Variants in GPRC5D observed in about 807,000 individuals in gnomAD.
GPRC5D encodes G protein-coupled receptor class C group 5 member D, also known as G protein-coupled receptor family C group 5 member D.
In GPRC5D, 20 loss-of-function variants were observed where a neutral mutation model predicts 29.3. The observed-to-expected ratio is 0.68, with a 90% CI of 0.48 to 0.99. The LOEUF (loss-of-function observed/expected upper bound fraction) is 0.99. GPRC5D is among the 50% of genes least tolerant of loss of function. The probability of loss-of-function intolerance (pLI) is 0.00; values close to 1 mark genes in which losing one functional copy is unlikely to be tolerated. For synonymous variants in GPRC5D, 178 were observed against 171.3 expected (o/e 1.04, Z -0.30); for missense variants, 384 against 423.6 (o/e 0.91, Z 0.82).
chr12:12,949,305 C>A (rs1398455308), intron 1 of GPRC5D, among the ~76,000 whole-genome samples, 185 bp downstream of exon 2: 1 of 152,132 alleles, frequency 6.6e-6, no homozygotes. Flanking sequence ...TGGAAGAACT[C>A]ATTTTTCATA....
At chr12:12,950,127 T>C (rs1218174490) in exon 1 of GPRC5D, 5 of 1,614,026 alleles carry the variant, frequency 3.1e-6, no homozygotes, top group East Asian at 2.2e-5. Flanking sequence ...GGGCAGTTTG[T>C]TGATTGAGCT....
intron 1 of GPRC5D, among the ~76,000 whole-genome samples, chr12:12,943,303 C>T (rs1863199405): frequency 6.6e-6 from 1 of 152,138 alleles, no homozygotes; most frequent in African/African-American, 2.4e-5. Flanking sequence ...ACAGACATAA[C>T]CGTGTTAGTA....
rs1262517151 is a variant in GPRC5D, at chr12:12,944,883, TTC to T, written c.896-2557_896-2556del. On this transcript the variant is annotated intron_variant, in intron 1 of 2. Coordinates refer to ENST00000228887, the Ensembl canonical transcript of GPRC5D. The stretch of plus-strand genomic sequence containing the variant: ...TTTCTTTCTTTCTTTCTTTCTTTCT[TTC>T]TTTCTTTCTTTCTTTCTTTCTCTCC... Among the ~76,000 whole-genome samples the T allele has an allele frequency of 6.5e-4, 83 of 128,634 alleles. 3 individuals are homozygous for T. Among genetic ancestry groups the T allele is most frequent in the Non-Finnish European group, 1.1e-3 (68 of 60,388 alleles). 84.4% of individuals were successfully genotyped at this position (128,634 alleles called of 152,430 possible). A position where few individuals can be genotyped will look rare whatever the true frequency, so the allele number is the denominator to read the frequency against.
At chr12:12,940,985 C>T in intron 2 of GPRC5D, 136 bp from the exon 4 acceptor site, 1 of 578,078 alleles carries the variant, frequency 1.7e-6, no homozygotes, top group Non-Finnish European at 3.2e-6. Flanking sequence ...GATCTGGGCT[C>T]ACTGCAAACT....
intron 1 of GPRC5D, among the ~76,000 whole-genome samples, chr12:12,946,730 C>T (rs998327324): frequency 3.1e-4 from 47 of 152,084 alleles, no homozygotes; most frequent in Middle Eastern, 3.2e-3. Flanking sequence ...GGTGGGATTG[C>T]AGGTGTGAGC....
chr12:12,944,800 CCCTTCCTTCCTTCCTT>C, intron 1 of GPRC5D, among the ~76,000 whole-genome samples: 2 of 11,410 alleles, frequency 1.8e-4, no homozygotes, highest in South Asian at 0.011. Context: ...TTCCTTCCTT[CCCTTCCTTCCTTCCTT>C]CCTTCCTTCC....
At chr12:12,942,285 T>A (rs1474132732) in exon 2 of GPRC5D, 6 of 1,611,856 alleles carry the variant, frequency 3.7e-6, no homozygotes, top group Non-Finnish European at 5.1e-6. Flanking sequence ...GAGTACCATA[T>A]GAAGTTAATG....
At chr12:12,941,255 CTT>C (rs2136487794) in intron 2 of GPRC5D, among the ~76,000 whole-genome samples, 1 of 152,256 alleles carries the variant, frequency 6.6e-6, no homozygotes, top group East Asian at 1.9e-4. Context: ...TCATTTAATT[CTT>C]TGTCAATAAC....
At chr12:12,950,216 A>G (rs1213576464) in exon 1 of GPRC5D, 5 of 1,613,896 alleles carry the variant, frequency 3.1e-6, no homozygotes, top group South Asian at 1.1e-5. Context: ...AGGACATTCC[A>G]CTGGCTGCAG....
At chr12:12,949,400 G>A (rs955331728) in intron 1 of GPRC5D, 90 bp downstream of exon 2, 5 of 1,144,390 alleles carry the variant, frequency 4.4e-6, no homozygotes, top group African/African-American at 3.1e-5. Flanking sequence ...TTTTCTTTTA[G>A]TTTCCTCTTG....
chr12:12,941,056 C>T (rs1390475303), intron 2 of GPRC5D, among the ~76,000 whole-genome samples: 1 of 152,132 alleles, frequency 6.6e-6, no homozygotes, highest in Admixed American at 6.5e-5. Flanking sequence ...AAATTACAGG[C>T]ATGCACCACC....
At chr12:12,944,896 T>G (rs1050302490) in intron 1 of GPRC5D, among the ~76,000 whole-genome samples, 2 of 132,376 alleles carry the variant, frequency 1.5e-5, no homozygotes, top group African/African-American at 5.4e-5. Context: ...TTTCTTTCTT[T>G]CTTTCTTTCT....
At chr12:12,949,987 G>A (rs758736961) in exon 1 of GPRC5D, 34 of 1,613,946 alleles carry the variant, frequency 2.1e-5, no homozygotes, top group African/African-American at 5.3e-5. Flanking sequence ...GCAACCAATA[G>A]CAATGCACAG....
chr12:12,943,533 C>G (rs1002756632), intron 1 of GPRC5D, among the ~76,000 whole-genome samples: 1 of 152,176 alleles, frequency 6.6e-6, no homozygotes, highest in Non-Finnish European at 1.5e-5. Flanking sequence ...GTCCTTGGAA[C>G]AGAGCTATCC....
chr12:12,950,204 G>A, exon 1 of GPRC5D: 1 of 1,613,800 alleles, frequency 6.2e-7, no homozygotes, highest in Non-Finnish European at 8.5e-7. Flanking sequence ...AGCTGGGTGG[G>A]GAGGACATTC....
At chr12:12,949,672 T>G (rs773866153) in exon 1 of GPRC5D, 1 of 1,614,080 alleles carries the variant, frequency 6.2e-7, no homozygotes, top group Non-Finnish European at 8.5e-7. Context: ...GACCGGGTCG[T>G]CCCACTGGGG....
chr12:12,944,824 TCCTTCCTTCCTTCCTTCCTTCC>T lies in GPRC5D; in HGVS notation c.896-2518_896-2497del, dbSNP rs1565477137. On this transcript the variant is annotated intron_variant, in intron 1 of 2. Transcript: ENST00000228887. ...TCCCTTCCTTCCTTCCTTCCTTCCT[TCCTTCCTTCCTTCCTTCCTTCC>T]TTCCTTCTTTCTTTCTTTCTTTCTT... is the stretch of plus-strand genomic sequence containing the variant. 6.1e-3 allele frequency among the ~76,000 whole-genome samples: 111 copies of T among 18,286 alleles called. 5 individuals are homozygous for T. Among genetic ancestry groups the T allele is most frequent in the Middle Eastern group, 0.02 (1 of 50 alleles). 12.0% of individuals were successfully genotyped at this position (18,286 alleles called of 152,430 possible).
upstream of GPRC5D, among the ~76,000 whole-genome samples, chr12:12,951,220 T>C (rs1863488218): frequency 6.6e-6 from 1 of 152,326 alleles, no homozygotes; most frequent in Non-Finnish European, 1.5e-5. Context: ...GGGTGGTCCA[T>C]GCTGGGCACT....
intron 1 of GPRC5D, among the ~76,000 whole-genome samples, chr12:12,945,237 T>G (rs1863285939): frequency 6.6e-6 from 1 of 152,082 alleles, no homozygotes; most frequent in South Asian, 2.1e-4. Context: ...ACTCCTGACC[T>G]CAGGTGATCC....
Sources: gnomAD v4.1 joint callset for allele counts (sites outside exome capture counted in the v4.1 genomes callset) on GRCh38, gnomAD v4.1.1 for gene constraint, MANE v1.5 for transcripts, NCBI Gene and HGNC (gene_info 2026-07-23, HGNC 2026-07-21) for gene names.